TOX2: variants seen among roughly 807,000 people sequenced by gnomAD.
TOX2 encodes the protein granulosa cell HMG box 1.
Under a neutral mutation model 47.4 loss-of-function variants are expected in TOX2, and 15 were observed. The observed-to-expected ratio is 0.32, with a 90% CI of 0.21 to 0.49. The LOEUF (loss-of-function observed/expected upper bound fraction) is 0.49. TOX2 is among the 20% of genes least tolerant of loss of function. The pLI, the probability that TOX2 is intolerant of heterozygous loss-of-function variation, is 0.99. For synonymous variants in TOX2, 290 were observed against 296.6 expected, an observed-to-expected ratio of 0.98 and a Z score of 0.23; for missense variants, 622 against 673.1, an observed-to-expected ratio of 0.92 and a Z score of 0.84.
intron 1 of TOX2, among the ~76,000 whole-genome samples, chr20:43,966,773 G>A (rs906207344): frequency 6.7e-6 from 1 of 150,182 alleles, no homozygotes; most frequent in South Asian, 2.1e-4. Context: ...AAAAAAAAGT[G>A]GGGGCACTGG....
chr20:43,956,433 T>A (rs2145411449), intron 1 of TOX2, among the ~76,000 whole-genome samples: 1 of 152,184 alleles, frequency 6.6e-6, no homozygotes, highest in African/African-American at 2.4e-5. Context: ...TGGTGGCGCA[T>A]GCCTGTAATT....
chr20:44,024,174 T>A (rs1230797773), intron 3 of TOX2, among the ~76,000 whole-genome samples: 1 of 152,180 alleles, frequency 6.6e-6, no homozygotes, highest in Non-Finnish European at 1.5e-5. Flanking sequence ...TACCATGGAG[T>A]TGTATATAGT....
chr20:43,946,075 G>A (rs779330561), intron 1 of TOX2: 61 of 1,610,470 alleles, frequency 3.8e-5, no homozygotes, highest in Middle Eastern at 1.8e-4. Flanking sequence ...TGAGGTGGAG[G>A]TGGTCAGGCC....
At chr20:44,048,846 A>G (rs186380281) in intron 3 of TOX2, among the ~76,000 whole-genome samples, 2 of 152,220 alleles carry the variant, frequency 1.3e-5, no homozygotes, top group African/African-American at 4.8e-5. Context: ...ATAAAAACCA[A>G]TATCAGGGCC....
chr20:44,026,228 G>GACATATATATATATATATAT lies in TOX2; in HGVS notation c.411+19437_411+19438insCATATATATATATATATATA, dbSNP rs1555842268. Among the ~76,000 whole-genome samples the GACATATATATATATATATAT allele has an allele frequency of 3.3e-5, 2 of 60,244 alleles. 1 individual carries two copies. Among genetic ancestry groups the GACATATATATATATATATAT allele is most frequent in the Non-Finnish European group, 6.2e-5 (2 of 32,244 alleles). 39.5% of individuals were successfully genotyped at this position (60,244 alleles called of 152,430 possible). ...TCGATCGAGTGGATAAAGAAACTGTGATATATATATATATATATATAGACA... is the reference window on the plus strand; with the variant it reads ...TCGATCGAGTGGATAAAGAAACTGTGACATATATATATATATATATATATATATATATATATATATAGACA... On this transcript the variant is annotated intron_variant, in intron 3 of 8. Transcript: ENST00000341197.
At chr20:43,924,832 A>G (rs1020983283) in intron 1 of TOX2, among the ~76,000 whole-genome samples, 5 of 152,256 alleles carry the variant, frequency 3.3e-5, no homozygotes, top group African/African-American at 9.6e-5. Context: ...AGAAGAGGAA[A>G]GACACAAGTG....
chr20:44,043,713 T>C lies in TOX2; in HGVS notation c.412-7593T>C, dbSNP rs570761370. Among the ~76,000 whole-genome samples, 12 of 152,376 alleles carry C rather than the reference T, an allele frequency of 7.9e-5. No individual in the cohort carries two copies. The South Asian group carries it at 2.5e-3, about 32-fold the overall frequency. On this transcript the variant is annotated intron_variant, in intron 3 of 8. Transcript: ENST00000341197. ...TAAATGCCATAATGATCATCTTTGT[T>C]GTAATGCATAACTTTCTAAAGGTAA...
intron 3 of TOX2, among the ~76,000 whole-genome samples, chr20:44,035,524 G>A (rs150220302): frequency 2.2e-3 from 337 of 152,100 alleles, no homozygotes; most frequent in Non-Finnish European, 3.6e-3. Context: ...GTTCCCCCAC[G>A]ACCACCACAC....
chr20:44,047,435 A>G (rs1253352973), intron 3 of TOX2, among the ~76,000 whole-genome samples: 2 of 152,254 alleles, frequency 1.3e-5, no homozygotes, highest in African/African-American at 4.8e-5. Context: ...CAACATTAAT[A>G]GAGAAGAAAG....
Position 43,915,137 on chromosome 20 carries a change from A to G in TOX2, c.99+147A>G. ...GGCTCACATCGATCCCCTCGCGGCC[A>G]CGCTCACGCCCTGAGTTGTTGGGAT... is the stretch of plus-strand genomic sequence containing the variant. On this transcript the variant is annotated intron_variant, in intron 1 of 8. Transcript: ENST00000341197. This position sits in a 1 kb window ranked among gnomAD's most constrained non-coding sequence, Gnocchi z 7.1. 2.6e-6 allele frequency: 1 copy of G among 378,388 alleles called. No homozygotes were observed. Among genetic ancestry groups the G allele is most frequent in the Non-Finnish European group, 4.0e-6 (1 of 252,632 alleles). 23.4% of individuals were successfully genotyped at this position (378,388 alleles called of 1,614,324 possible). A position where few individuals can be genotyped will look rare whatever the true frequency, so the allele number is the denominator to read the frequency against.
chr20:44,039,330 GGA>G (rs1174497811), intron 3 of TOX2: 10 of 1,286,202 alleles, frequency 7.8e-6, no homozygotes, highest in Non-Finnish European at 1.0e-5. Flanking sequence ...GAGGTCAGGA[GGA>G]GAGAGATTGT....
intron 2 of TOX2, among the ~76,000 whole-genome samples, chr20:44,004,975 A>G (rs577453265): frequency 5.9e-5 from 9 of 152,322 alleles, no homozygotes; most frequent in African/African-American, 1.9e-4. Context: ...TCCCAACACA[A>G]ATGATAAATG....
intron 3 of TOX2, among the ~76,000 whole-genome samples, chr20:44,026,881 C>T (rs2071076467): frequency 6.6e-6 from 1 of 152,164 alleles, no homozygotes; most frequent in Non-Finnish European, 1.5e-5. Flanking sequence ...CACAACTCTC[C>T]TGGGAAAGGA....
intron 5 of TOX2, among the ~76,000 whole-genome samples, chr20:44,055,020 G>A (rs1211801567): frequency 6.6e-6 from 1 of 152,182 alleles, no homozygotes; most frequent in African/African-American, 2.4e-5. Context: ...ATTAAAACAG[G>A]GGTGCTGGCT....
chr20:43,984,806 A>G (rs1034160576), intron 2 of TOX2, among the ~76,000 whole-genome samples: 1 of 152,160 alleles, frequency 6.6e-6, no homozygotes, highest in Non-Finnish European at 1.5e-5. Context: ...GATGGAAACA[A>G]TGATGATGAT....
chr20:43,996,784 A>G (rs1261798968), intron 2 of TOX2, among the ~76,000 whole-genome samples: 10 of 146,570 alleles, frequency 6.8e-5, no homozygotes, highest in Admixed American at 6.7e-4. Context: ...CAGTTTGGAT[A>G]AATTGCCAGA....
At chr20:43,989,083 C>T (rs1300957069) in intron 2 of TOX2, among the ~76,000 whole-genome samples, 1 of 152,160 alleles carries the variant, frequency 6.6e-6, no homozygotes, top group African/African-American at 2.4e-5. Flanking sequence ...CATGCAGCAT[C>T]CCCTGGAGCT....
chr20:43,924,786 T>G (rs1050759298), intron 1 of TOX2, among the ~76,000 whole-genome samples: 16 of 152,218 alleles, frequency 1.1e-4, no homozygotes, highest in Admixed American at 5.2e-4. Flanking sequence ...TTTTAAAAAT[T>G]GATTTTGCTC....
chr20:44,009,830 T>A (rs1159841594), intron 3 of TOX2, among the ~76,000 whole-genome samples: 1 of 152,152 alleles, frequency 6.6e-6, no homozygotes, highest in African/African-American at 2.4e-5. Flanking sequence ...CTATGAGGGC[T>A]GTGGTGCAGG....
Sources: gnomAD v4.1 joint callset for allele counts (sites outside exome capture counted in the v4.1 genomes callset) on GRCh38, gnomAD v4.1.1 for gene constraint, Gnocchi (gnomAD v3.1) non-coding constraint, MANE v1.5 for transcripts, NCBI Gene and HGNC (gene_info 2026-07-23, HGNC 2026-07-21) for gene names.